Variants in BRWD3 observed in about 807,000 individuals in gnomAD.
The protein encoded by BRWD3 is bromodomain and WD repeat-containing protein 3.
BRWD3 carries 10 observed loss-of-function variants against 149.7 expected under a neutral mutation model. The ratio of observed to expected loss-of-function variants is 0.07; its 90% CI spans 0.04 to 0.11. The LOEUF is 0.11. Among genes scored for constraint, BRWD3 ranks in the 10% least tolerant of loss-of-function variants. BRWD3 has a pLI of 1.00. For synonymous variants in BRWD3, 504 were observed against 456.7 expected, an observed-to-expected ratio of 1.10 and a Z score of -1.32; for missense variants, 940 against 1,373.2, an observed-to-expected ratio of 0.68 and a Z score of 4.99.
intron 8 of BRWD3, among the ~76,000 whole-genome samples, chrX:80,740,610 G>A (rs1019924160): frequency 8.9e-6 from 1 of 111,762 alleles, no homozygotes; most frequent in Non-Finnish European, 1.9e-5. Flanking sequence ...ATAGCCGGAT[G>A]TGGTGGCGCA....
chrX:80,718,269 A>G (rs951991485), intron 18 of BRWD3, among the ~76,000 whole-genome samples: 1 of 112,286 alleles, frequency 8.9e-6, no homozygotes, highest in Non-Finnish European at 1.9e-5. Context: ...AAGTAACAGA[A>G]GTTTTACTTT....
intron 4 of BRWD3, among the ~76,000 whole-genome samples, chrX:80,795,428 T>C (rs989548111): frequency 9.1e-6 from 1 of 109,788 alleles, no homozygotes; most frequent in African/African-American, 3.3e-5. Context: ...TATACACATA[T>C]GTATATATAC....
chrX:80,809,128 C>G, intron 2 of BRWD3, 86 bp from the exon 3 acceptor site: 1 of 1,147,070 alleles, frequency 8.7e-7, no homozygotes, highest in Non-Finnish European at 1.2e-6. Context: ...AGCCGCTGAC[C>G]GTTTGACTAG....
chrX:80,732,493 C>A (rs1450953763), intron 12 of BRWD3, among the ~76,000 whole-genome samples: 1 of 109,932 alleles, frequency 9.1e-6, no homozygotes, highest in Non-Finnish European at 1.9e-5. Flanking sequence ...TCAGGTAGGG[C>A]ATGAACCGTA....
intron 25 of BRWD3, among the ~76,000 whole-genome samples, chrX:80,698,100 T>C (rs1283152464): frequency 8.9e-6 from 1 of 112,402 alleles, no homozygotes; most frequent in African/African-American, 3.2e-5. Context: ...TGGTCGCTTA[T>C]ACATTTTCTT....
chrX:80,773,030 A>G (rs956489493), intron 6 of BRWD3, among the ~76,000 whole-genome samples: 1 of 112,284 alleles, frequency 8.9e-6, no homozygotes, highest in Middle Eastern at 4.6e-3. Flanking sequence ...AAATGACAGA[A>G]CTATAGAAAT....
At chrX:80,728,998 A>ATTTAGATT in intron 13 of BRWD3, 93 bp from the exon 14 acceptor site, 1 of 767,896 alleles carries the variant, frequency 1.3e-6, no homozygotes, top group South Asian at 2.2e-5. Context: ...CTCCAGGAGT[A>ATTTAGATT]TACAACTGTT....
chrX:80,771,214 T>G (rs2073940199), intron 6 of BRWD3, among the ~76,000 whole-genome samples: 1 of 111,506 alleles, frequency 9.0e-6, no homozygotes, highest in South Asian at 3.7e-4. Flanking sequence ...CCCATCAACC[T>G]ACCAATAACT....
rs1409343826 is a variant in BRWD3 at position 80,809,738 on chromosome X, G to GA, written c.-268dup. 0.061 allele frequency: 676 copies of GA among 10,993 alleles called. 11 individuals carry two copies. Among genetic ancestry groups the GA allele is most frequent in the East Asian group, 0.53 (624 of 1,168 alleles). 0.9% of individuals were successfully genotyped at this position (10,993 alleles called of 1,213,427 possible). On this transcript the variant is annotated 5_prime_UTR_variant, in exon 1 of 41. Transcript: ENST00000373275. ...GAGTGAGTGAGAGAGAGAGAGAGAA[G>GA]AGAGAGAGAGAGAGAGGAAAAAGAG... is the stretch of plus-strand genomic sequence containing the variant.
intron 23 of BRWD3, 57 bp downstream of exon 23, chrX:80,704,621 T>C (rs1316823217): frequency 9.4e-7 from 1 of 1,069,191 alleles, no homozygotes; most frequent in Non-Finnish European, 1.3e-6. Context: ...ATATTTAAGT[T>C]ATCAAAGGCA....
chrX:80,725,110 G>A (rs770636361), intron 14 of BRWD3, 43 bp from the exon 15 acceptor site: 1 of 1,184,868 alleles, frequency 8.4e-7, no homozygotes, highest in East Asian at 3.0e-5. Flanking sequence ...AACACGAAAT[G>A]TTTGGTTCAT....
intron 10 of BRWD3, 121 bp downstream of exon 10, chrX:80,735,006 T>C: frequency 1.6e-6 from 1 of 612,016 alleles, no homozygotes; most frequent in Non-Finnish European, 2.7e-6. Context: ...TAACACATGG[T>C]TCAGATTTTT....
chrX:80,743,290 T>A (rs1443511871), intron 8 of BRWD3, among the ~76,000 whole-genome samples: 14 of 111,844 alleles, frequency 1.3e-4, no homozygotes, highest in Non-Finnish European at 9.4e-5. Context: ...CTGCTGGATT[T>A]GGTTTGCCAG....
rs148491212 is a variant in BRWD3 at position 80,778,404 on chromosome X, G to T, written c.430+13450C>A. On this transcript the variant is annotated intron_variant, in intron 6 of 40. Transcript: ENST00000373275. ...GTCAAGAATATGGAGGTGCAGTGGG[G>T]GATGAAGCAAGGAGAGGAGTGCCTT... Among the ~76,000 whole-genome samples, 150 of 111,778 alleles carry T rather than the reference G, an allele frequency of 1.3e-3. 1 individual carries two copies. Among genetic ancestry groups the T allele is most frequent in the Non-Finnish European group, 2.3e-3 (121 of 53,158 alleles).
chrX:80,740,494 C>G (rs917976374), intron 8 of BRWD3, among the ~76,000 whole-genome samples: 17 of 112,311 alleles, frequency 1.5e-4, no homozygotes, highest in African/African-American at 5.5e-4. Flanking sequence ...CCTGTAATCC[C>G]AGCAATTTGG....
chrX:80,727,953 C>T (rs1209329801), intron 14 of BRWD3, among the ~76,000 whole-genome samples: 1 of 111,876 alleles, frequency 8.9e-6, no homozygotes, highest in Non-Finnish European at 1.9e-5. Context: ...TATCTAACAC[C>T]TAAGCCACTT....
chrX:80,757,096 T>C (rs185465699), intron 6 of BRWD3, among the ~76,000 whole-genome samples: 38 of 112,098 alleles, frequency 3.4e-4, no homozygotes, highest in Admixed American at 3.3e-3. Context: ...ATTCTCACTG[T>C]TAAACTTCAA....
chrX:80,753,779 G>A (rs909976477), intron 6 of BRWD3, among the ~76,000 whole-genome samples: 4 of 111,845 alleles, frequency 3.6e-5, no homozygotes, highest in African/African-American at 1.3e-4. Context: ...AGTAGAGGGT[G>A]TCCTTTTCCC....
intron 6 of BRWD3, among the ~76,000 whole-genome samples, chrX:80,790,472 C>T (rs771156395): frequency 9.0e-6 from 1 of 111,138 alleles, no homozygotes; most frequent in African/African-American, 3.3e-5. Flanking sequence ...AAGCTCCTCC[C>T]CAAATAACAT....
Sources: gnomAD v4.1 joint callset for allele counts (sites outside exome capture counted in the v4.1 genomes callset) on GRCh38, gnomAD v4.1.1 for gene constraint, MANE v1.5 for transcripts, NCBI Gene and HGNC (gene_info 2026-07-23, HGNC 2026-07-21) for gene names.